ASTN1: variants seen among roughly 807,000 people sequenced by gnomAD.
ASTN1 encodes the protein astrotactin-1.
A neutral mutation model predicts 140.7 loss-of-function variants in ASTN1; 41 were observed. The ratio of observed to expected loss-of-function variants is 0.29; its 90% CI spans 0.23 to 0.38. ASTN1 has a LOEUF of 0.38. Among genes scored for constraint, ASTN1 ranks in the 10% least tolerant of loss-of-function variants. The pLI is 1.00. For synonymous variants in ASTN1, 640 were observed against 652.2 expected (o/e 0.98, Z 0.29); for missense variants, 1,479 against 1,678.8 (o/e 0.88, Z 2.08).
At chr1:177,023,930 G>C (rs1290700924) in intron 6 of ASTN1, among the ~76,000 whole-genome samples, 1 of 152,130 alleles carries the variant, frequency 6.6e-6, no homozygotes, top group African/African-American at 2.4e-5. Flanking sequence ...CAAAGAACAG[G>C]GGCTGCTGCC....
At chr1:176,917,854 A>C (rs865775156) in intron 16 of ASTN1, among the ~76,000 whole-genome samples, 57 of 152,302 alleles carry the variant, frequency 3.7e-4, no homozygotes, top group African/African-American at 1.2e-3. Flanking sequence ...ACGTGCCTTC[A>C]CCAAACACAG....
intron 8 of ASTN1, among the ~76,000 whole-genome samples, chr1:176,985,098 C>T (rs1673822024): frequency 6.6e-6 from 1 of 152,180 alleles, no homozygotes; most frequent in Non-Finnish European, 1.5e-5. Flanking sequence ...GGGACTTTTA[C>T]CCTCCGAATA....
intron 1 of ASTN1, among the ~76,000 whole-genome samples, chr1:177,075,168 G>A (rs1435816197): frequency 1.3e-5 from 2 of 152,054 alleles, no homozygotes; most frequent in Non-Finnish European, 2.9e-5. Flanking sequence ...CCGCCTCCCA[G>A]GTTCAAGCTA....
rs915596430 is a variant in ASTN1 at position 177,030,902 on chromosome 1, T to C, written c.916A>G (p.Ile306Val). The change falls in exon 4 of 23, where the codon ATA becomes GTA. Residue 306 changes from isoleucine to valine, a missense_variant. By Grantham distance (29) the Ile-to-Val change is conservative (BLOSUM62 3). Coordinates refer to ENST00000361833, the MANE Select transcript of ASTN1 (RefSeq NM_004319.3). ...SLMNKYKDNI[I>V]ATSPVDSNHQ... The stretch of plus-strand genomic sequence containing the variant: ...TTGGAGTCCACAGGGCTAGTGGCTA[T>C]AATATTATCTTTATACTTGTTCATC... 1 of 1,614,146 alleles carries C rather than the reference T, an allele frequency of 6.2e-7. No individual in the cohort carries two copies. The highest frequency in any genetic ancestry group is 8.5e-7 in the Non-Finnish European group (1 of 1,180,024).
chr1:176,891,438 G>A (rs1176622533), intron 17 of ASTN1, among the ~76,000 whole-genome samples: 1 of 152,182 alleles, frequency 6.6e-6, no homozygotes, highest in Non-Finnish European at 1.5e-5. Context: ...CATCCTCATA[G>A]TCTAGAGGGG....
intron 8 of ASTN1, among the ~76,000 whole-genome samples, chr1:177,007,076 C>T (rs957714515): frequency 6.6e-6 from 1 of 152,182 alleles, no homozygotes; most frequent in Non-Finnish European, 1.5e-5. Context: ...AGTTACTTTA[C>T]CTCTCTGGCT....
At chr1:177,101,487 T>A (rs1680296951) in intron 1 of ASTN1, among the ~76,000 whole-genome samples, 1 of 152,192 alleles carries the variant, frequency 6.6e-6, no homozygotes, top group Admixed American at 6.5e-5. Flanking sequence ...TAGCTTTACA[T>A]AAAATTTAAA....
At chr1:177,047,486 G>C (rs1341232647) in intron 2 of ASTN1, among the ~76,000 whole-genome samples, 1 of 152,164 alleles carries the variant, frequency 6.6e-6, no homozygotes, top group Non-Finnish European at 1.5e-5. Context: ...TCTGAATGGA[G>C]GAACCTACTC....
intron 10 of ASTN1, 116 bp from the exon 11 acceptor site, chr1:176,957,944 T>C (rs557694170): frequency 1.1e-4 from 147 of 1,302,830 alleles, no homozygotes; most frequent in Admixed American, 6.6e-4. Context: ...CTCTGTCTTA[T>C]AAAAATTGAA....
intron 1 of ASTN1, among the ~76,000 whole-genome samples, chr1:177,121,550 T>TA (rs755003145): frequency 6.6e-6 from 1 of 152,106 alleles, no homozygotes; most frequent in Non-Finnish European, 1.5e-5. Context: ...TAATAATACT[T>TA]ACGTCTACTC....
intron 20 of ASTN1, among the ~76,000 whole-genome samples, chr1:176,877,594 G>A (rs1414083717): frequency 6.6e-6 from 1 of 152,224 alleles, no homozygotes; most frequent in Non-Finnish European, 1.5e-5. Flanking sequence ...TAGATGGAGA[G>A]GAAGAAGAGG....
At chr1:176,918,364 C>A (rs1442786403) in intron 16 of ASTN1, among the ~76,000 whole-genome samples, 1 of 152,184 alleles carries the variant, frequency 6.6e-6, no homozygotes, top group Admixed American at 6.5e-5. Flanking sequence ...TCCAGACTTG[C>A]AAATCCAATG....
intron 2 of ASTN1, among the ~76,000 whole-genome samples, chr1:177,054,167 G>C (rs995726303): frequency 4.6e-5 from 7 of 152,156 alleles, no homozygotes; most frequent in Admixed American, 1.3e-4. Context: ...ACTAATAGTT[G>C]TTTACTTTTA....
intron 1 of ASTN1, among the ~76,000 whole-genome samples, chr1:177,154,652 A>T (rs1389185575): frequency 1.3e-5 from 2 of 148,338 alleles, no homozygotes; most frequent in African/African-American, 5.2e-5. Flanking sequence ...ACAACTATTG[A>T]CTTATTGCAA....
At chr1:177,099,529 C>T (rs959440861) in intron 1 of ASTN1, among the ~76,000 whole-genome samples, 38 of 151,880 alleles carry the variant, frequency 2.5e-4, no homozygotes, top group Non-Finnish European at 4.0e-4. Context: ...ATCATAAGTG[C>T]CTGCATTATA....
chr1:177,069,623 C>T (rs941916164), intron 1 of ASTN1, among the ~76,000 whole-genome samples: 1 of 152,068 alleles, frequency 6.6e-6, no homozygotes, highest in Admixed American at 6.6e-5. Context: ...GAATAGCAAT[C>T]GAGCAACTAC....
At chr1:176,906,666 C>T (rs555129110) in intron 16 of ASTN1, among the ~76,000 whole-genome samples, 3 of 151,746 alleles carry the variant, frequency 2.0e-5, no homozygotes, top group Admixed American at 1.3e-4. Context: ...CCAGCCTGGC[C>T]GACAAGGTAA....
At chr1:176,989,650 G>A (rs931254901) in intron 8 of ASTN1, among the ~76,000 whole-genome samples, 1 of 152,004 alleles carries the variant, frequency 6.6e-6, no homozygotes, top group Non-Finnish European at 1.5e-5. Flanking sequence ...TTCCTACAGA[G>A]CTCAGAGAGA....
At chr1:177,137,937 G>C (rs1254417295) in intron 1 of ASTN1, among the ~76,000 whole-genome samples, 1 of 152,206 alleles carries the variant, frequency 6.6e-6, no homozygotes, top group Non-Finnish European at 1.5e-5. Context: ...GGTTCAGAAT[G>C]AGGTTAAAAT....
Sources: allele counts gnomAD v4.1 joint callset (sites outside exome capture counted in the v4.1 genomes callset), GRCh38; gene constraint gnomAD v4.1.1; transcripts MANE v1.5; gene names NCBI Gene and HGNC (gene_info 2026-07-23, HGNC 2026-07-21).